Variants in PCDHA12 observed in about 807,000 individuals in gnomAD.
PCDHA12 encodes the protein protocadherin alpha-12.
PCDHA12 carries 44 observed loss-of-function variants against 60.0 expected under a neutral mutation model. That is an observed-to-expected ratio of 0.73 (90% CI 0.58 to 0.94). The LOEUF (loss-of-function observed/expected upper bound fraction) is 0.94, where lower values mean the gene tolerates loss of function less well. Ranked by LOEUF, PCDHA12 falls within the 40% of genes least tolerant of loss-of-function variation. The probability of loss-of-function intolerance (pLI) is 0.00; values close to 1 mark genes in which losing one functional copy is unlikely to be tolerated. For missense variants in PCDHA12, 1,276 were observed against 1,239.7 expected, an observed-to-expected ratio of 1.03 and a Z score of -0.44; for synonymous variants, 569 against 553.0, an observed-to-expected ratio of 1.03 and a Z score of -0.40.
chr5:140,984,726 A>C (rs549219216), intron 3 of PCDHA12, among the ~76,000 whole-genome samples: 51 of 152,276 alleles, frequency 3.3e-4, no homozygotes, highest in Non-Finnish European at 5.0e-4. Flanking sequence ...AAAGATTAAG[A>C]TTATGATTTA....
At position 141,010,044 on chromosome 5, in the gene PCDHA12, G is replaced by C; in HGVS notation, c.*107G>C. Reference sequence around the variant, plus strand: ...TTTCCTATCTACATGAGCCCTCTTAGAGACCTCAGAAATCTGCAGAAAGTT... The same window carrying C: ...TTTCCTATCTACATGAGCCCTCTTACAGACCTCAGAAATCTGCAGAAAGTT... On this transcript the variant is annotated 3_prime_UTR_variant, in exon 4 of 4. Coordinates refer to ENST00000398631, the MANE Select transcript of PCDHA12 (RefSeq NM_018903.4). 1.3e-6 allele frequency: 2 copies of C among 1,594,604 alleles called. No individual in the cohort carries two copies. Among genetic ancestry groups the C allele is most frequent in the Non-Finnish European group, 1.7e-6 (2 of 1,171,226 alleles).
At position 140,879,431 on chromosome 5, in the gene PCDHA12, T is replaced by G. The variant is rs78313657; in HGVS notation, c.2367+1592T>G. 2.0e-5 allele frequency among the ~76,000 whole-genome samples: 3 copies of G among 152,202 alleles called. No homozygotes were observed. In the East Asian group the frequency reaches 5.8e-4, roughly 29 times the overall value. The stretch of plus-strand genomic sequence containing the variant: ...AGCAGGTAGGGAATGGAGATGAACA[T>G]TTAAGAAAATGTTACTTTGAAGTCC... On this transcript the variant is annotated intron_variant, in intron 1 of 3. Transcript: ENST00000398631.
At chr5:140,885,577 A>G (rs1554182197) in intron 1 of PCDHA12, among the ~76,000 whole-genome samples, 1 of 152,172 alleles carries the variant, frequency 6.6e-6, no homozygotes, top group African/African-American at 2.4e-5. Context: ...TCAGATGTGG[A>G]ATTGATGCAT....
At chr5:140,977,023 G>T (rs1554238168) in intron 1 of PCDHA12, among the ~76,000 whole-genome samples, 1 of 152,148 alleles carries the variant, frequency 6.6e-6, no homozygotes, top group Non-Finnish European at 1.5e-5. Flanking sequence ...TCTGTCAAAT[G>T]AATCTAAGAA....
chr5:140,967,332 C>G, intron 1 of PCDHA12: 2 of 1,608,024 alleles, frequency 1.2e-6, no homozygotes, highest in Non-Finnish European at 1.7e-6. Context: ...GAGCTCAGCC[C>G]CAGCGAGCAC....
At chr5:140,880,420 A>C (rs1554171279) in intron 1 of PCDHA12, among the ~76,000 whole-genome samples, 2 of 152,230 alleles carry the variant, frequency 1.3e-5, no homozygotes, top group Non-Finnish European at 2.9e-5. Context: ...TAAAAGCGGG[A>C]ACAGTTTTTC....
intron 3 of PCDHA12, among the ~76,000 whole-genome samples, chr5:140,999,672 C>T (rs2153958475): frequency 6.6e-6 from 1 of 152,214 alleles, no homozygotes; most frequent in South Asian, 2.1e-4. Context: ...TTGCGGGGGG[C>T]TCACAGAAAG....
intron 1 of PCDHA12, among the ~76,000 whole-genome samples, chr5:140,951,543 C>A (rs246041): frequency 1.3e-5 from 2 of 151,428 alleles, no homozygotes; most frequent in South Asian, 2.1e-4. Flanking sequence ...GAGCAAGGGA[C>A]GGGGGGAAGT....
At chr5:140,893,219 G>C (rs1273209081) in intron 1 of PCDHA12, among the ~76,000 whole-genome samples, 1 of 152,194 alleles carries the variant, frequency 6.6e-6, no homozygotes, top group Non-Finnish European at 1.5e-5. Flanking sequence ...GGAGGTGCAG[G>C]TATCACTTTG....
chr5:140,988,528 T>C (rs1391489747), intron 3 of PCDHA12, among the ~76,000 whole-genome samples: 1 of 152,194 alleles, frequency 6.6e-6, no homozygotes, highest in African/African-American at 2.4e-5. Flanking sequence ...CTCTGCTGGC[T>C]CCATCCATTC....
At chr5:141,000,393 CTCTATATATA>C (rs1279908183) in intron 3 of PCDHA12, among the ~76,000 whole-genome samples, 25 of 52,852 alleles carry the variant, frequency 4.7e-4, no homozygotes, top group South Asian at 8.2e-4. Flanking sequence ...CTCTCTCTCT[CTCTATATATA>C]TATATATATA....
chr5:140,950,855 T>C (rs2094525829), intron 1 of PCDHA12, among the ~76,000 whole-genome samples: 2 of 152,102 alleles, frequency 1.3e-5, no homozygotes, highest in African/African-American at 4.8e-5. Context: ...TTCTTTCATA[T>C]TCTTGTATAT....
intron 3 of PCDHA12, among the ~76,000 whole-genome samples, chr5:141,005,701 CAAAAAAAAAA>C (rs59860837): frequency 9.0e-4 from 7 of 7,792 alleles, no homozygotes; most frequent in East Asian, 6.4e-3. Context: ...AACTCCGTCT[CAAAAAAAAAA>C]AAAAAAAAAA....
rs529382424 is a variant in PCDHA12 at position 140,924,810 on chromosome 5, G to A, written c.2367+46971G>A. 4.8e-4 allele frequency among the ~76,000 whole-genome samples: 73 copies of A among 151,660 alleles called. No homozygotes were observed. The South Asian group carries it at 9.2e-3, about 19-fold the overall frequency. ...CTTAGGAGGCTGAGGCAAGAGAATC[G>A]CTTGAACCTGGGAGGGGGAGGTTGC... On this transcript the variant is annotated intron_variant, in intron 1 of 3. Transcript: ENST00000398631.
At chr5:140,893,987 T>A (rs112405686) in intron 1 of PCDHA12, among the ~76,000 whole-genome samples, 1 of 152,202 alleles carries the variant, frequency 6.6e-6, no homozygotes, top group Non-Finnish European at 1.5e-5. Context: ...TTTTAAAATA[T>A]CTCCAATTGT....
intron 3 of PCDHA12, among the ~76,000 whole-genome samples, chr5:141,000,955 T>G (rs1237087024): frequency 6.6e-6 from 1 of 152,210 alleles, no homozygotes; most frequent in Non-Finnish European, 1.5e-5. Flanking sequence ...CTTGCTGTAA[T>G]TTAAGCCTTC....
chr5:140,971,529 T>G (rs782358590), intron 1 of PCDHA12, among the ~76,000 whole-genome samples: 1 of 152,176 alleles, frequency 6.6e-6, no homozygotes, highest in East Asian at 1.9e-4. Flanking sequence ...GTTCTGAAAG[T>G]CATCATTGCC....
chr5:140,883,817 G>A, intron 1 of PCDHA12: 1 of 1,612,636 alleles, frequency 6.2e-7, no homozygotes, highest in Non-Finnish European at 8.5e-7. Context: ...GAGCGGCAAG[G>A]TGTACGCGCT....
At chr5:140,882,558 G>C (rs782792864) in intron 1 of PCDHA12, 3 of 1,614,130 alleles carry the variant, frequency 1.9e-6, no homozygotes, top group African/African-American at 1.3e-5. Flanking sequence ...GAGCTGTGTG[G>C]GCGGAGCGCG....
Sources: allele counts gnomAD v4.1 joint callset (sites outside exome capture counted in the v4.1 genomes callset), GRCh38; gene constraint gnomAD v4.1.1; transcripts MANE v1.5; gene names NCBI Gene and HGNC (gene_info 2026-07-23, HGNC 2026-07-21).